Variants in KHDRBS2 observed in about 807,000 individuals in gnomAD.
The protein encoded by KHDRBS2 is KH RNA binding domain containing, signal transduction associated 2.
In KHDRBS2, 26 loss-of-function variants were observed where a neutral mutation model predicts 44.3. The observed-to-expected ratio is 0.59, with a 90% CI of 0.43 to 0.81. KHDRBS2 has a LOEUF of 0.81. Among genes scored for constraint, KHDRBS2 ranks in the 40% least tolerant of loss-of-function variants. The probability of loss-of-function intolerance (pLI) is 0.00; values close to 1 mark genes in which losing one functional copy is unlikely to be tolerated. For synonymous variants in KHDRBS2, 194 were observed against 151.1 expected (o/e 1.28, Z -2.08); for missense variants, 476 against 433.1 (o/e 1.10, Z -0.88).
chr6:62,117,007 A>G (rs960562700), intron 2 of KHDRBS2, among the ~76,000 whole-genome samples: 1 of 152,194 alleles, frequency 6.6e-6, no homozygotes, highest in Non-Finnish European at 1.5e-5. Flanking sequence ...ATGAACAATT[A>G]TGAAGTCAAC....
At chr6:61,762,779 T>C (rs1779465073) in intron 6 of KHDRBS2, among the ~76,000 whole-genome samples, 1 of 152,192 alleles carries the variant, frequency 6.6e-6, no homozygotes, top group Non-Finnish European at 1.5e-5. Flanking sequence ...TCAATGTCAA[T>C]ATCCCAGAAA....
chr6:62,255,254 T>C (rs1466693174), intron 1 of KHDRBS2, among the ~76,000 whole-genome samples: 1 of 152,082 alleles, frequency 6.6e-6, no homozygotes, highest in Non-Finnish European at 1.5e-5. Context: ...TGGAGAATTC[T>C]ATCTGATCTA....
At chr6:62,003,033 C>T (rs765905122) in intron 3 of KHDRBS2, among the ~76,000 whole-genome samples, 15 of 151,970 alleles carry the variant, frequency 9.9e-5, no homozygotes, top group Non-Finnish European at 1.9e-4. Flanking sequence ...AATCTAATCC[C>T]TTTTCTTTTT....
chr6:61,792,226 G>A (rs962268142), intron 6 of KHDRBS2, among the ~76,000 whole-genome samples: 50 of 151,120 alleles, frequency 3.3e-4, no homozygotes, highest in African/African-American at 1.1e-3. Context: ...TCCATCCACC[G>A]CTCCTAACCT....
intron 4 of KHDRBS2, among the ~76,000 whole-genome samples, chr6:61,943,115 G>GAAAAAAGATAGA (rs1554283272): frequency 6.7e-6 from 1 of 149,654 alleles, no homozygotes; most frequent in Non-Finnish European, 1.5e-5. Context: ...AGAAAGAAAA[G>GAAAAAAGATAGA]AAAAAAGAAA....
intron 6 of KHDRBS2, among the ~76,000 whole-genome samples, chr6:61,772,809 G>A (rs1219469720): frequency 6.6e-6 from 1 of 151,870 alleles, no homozygotes; most frequent in African/African-American, 2.4e-5. Flanking sequence ...CTCCACAACA[G>A]TCCCCAGAGT....
chr6:62,038,130 T>C (rs1228084930), intron 3 of KHDRBS2, among the ~76,000 whole-genome samples: 4 of 151,992 alleles, frequency 2.6e-5, no homozygotes, highest in Admixed American at 6.6e-5. Flanking sequence ...CATAAAACAC[T>C]GTCCTGCTGC....
At chr6:61,671,509 G>T in the KHDRBS2 span, among the ~76,000 whole-genome samples, 4 of 151,686 alleles carry the variant, frequency 2.6e-5, no homozygotes, top group Non-Finnish European at 5.9e-5. Flanking sequence ...ATATCAAGTA[G>T]AGTGACTTTC....
the KHDRBS2 span, among the ~76,000 whole-genome samples, chr6:61,588,744 A>G: frequency 2.0e-5 from 3 of 152,110 alleles, no homozygotes; most frequent in Non-Finnish European, 4.4e-5. Flanking sequence ...GTGAGCCATG[A>G]CTGTGCCACT....
the KHDRBS2 span, among the ~76,000 whole-genome samples, chr6:61,545,860 C>G: frequency 6.6e-6 from 1 of 151,940 alleles, no homozygotes; most frequent in Non-Finnish European, 1.5e-5. Context: ...GTGCCTGCAC[C>G]AAGGAAAAGC....
the KHDRBS2 span, among the ~76,000 whole-genome samples, chr6:61,551,934 C>A: frequency 6.6e-6 from 1 of 152,078 alleles, no homozygotes; most frequent in Non-Finnish European, 1.5e-5. Context: ...AATGGGATTG[C>A]ATTTTTGATT....
At chr6:62,016,539 TGTATAA>T (rs972886710) in intron 3 of KHDRBS2, among the ~76,000 whole-genome samples, 49 of 149,374 alleles carry the variant, frequency 3.3e-4, no homozygotes, top group African/African-American at 7.1e-4. Flanking sequence ...TACATTTAGA[TGTATAA>T]GTATATTTAT....
chr6:62,280,414 G>A lies in KHDRBS2; in HGVS notation c.91+5444C>T, dbSNP rs79847668. Among the ~76,000 whole-genome samples, 790 of 152,238 alleles carry A rather than the reference G, an allele frequency of 5.2e-3. 9 individuals are homozygous for A. The highest frequency in any genetic ancestry group is 0.017 in the Middle Eastern group (5 of 294). ...AACCAGTAGAATATAGTGCCCAGAA[G>A]ACAAGGAAGATGGAAAGAAATCAGA... On this transcript the variant is annotated intron_variant, in intron 1 of 8. Coordinates refer to ENST00000281156, the MANE Select transcript of KHDRBS2 (RefSeq NM_152688.4).
chr6:61,787,589 T>C (rs965100735), intron 6 of KHDRBS2, among the ~76,000 whole-genome samples: 4 of 151,824 alleles, frequency 2.6e-5, no homozygotes, highest in East Asian at 1.9e-4. Flanking sequence ...TTAATTTTTT[T>C]GTTGGTTTTG....
chr6:62,081,274 T>C (rs1250726395), intron 2 of KHDRBS2, among the ~76,000 whole-genome samples: 2 of 152,140 alleles, frequency 1.3e-5, no homozygotes, highest in African/African-American at 4.8e-5. Context: ...TAATGAAGTT[T>C]CTTGGGGTTA....
intron 4 of KHDRBS2, among the ~76,000 whole-genome samples, chr6:61,922,917 C>T (rs1034687785): frequency 2.0e-5 from 3 of 151,844 alleles, no homozygotes; most frequent in Non-Finnish European, 2.9e-5. Flanking sequence ...ACCAGGCATG[C>T]GAAGAAGCAG....
At chr6:61,957,737 C>A (rs138159811) in intron 4 of KHDRBS2, among the ~76,000 whole-genome samples, 1 of 152,110 alleles carries the variant, frequency 6.6e-6, no homozygotes, top group Non-Finnish European at 1.5e-5. Flanking sequence ...TGTGATCTCA[C>A]CCTGCCTCCA....
chr6:62,184,175 CTATAT>C (rs1167624372), intron 1 of KHDRBS2, among the ~76,000 whole-genome samples: 2 of 151,564 alleles, frequency 1.3e-5, no homozygotes, highest in African/African-American at 4.8e-5. Flanking sequence ...ATTATGTATA[CTATAT>C]TATAATAAGC....
At chr6:62,213,525 T>C (rs1829445451) in intron 1 of KHDRBS2, among the ~76,000 whole-genome samples, 1 of 151,992 alleles carries the variant, frequency 6.6e-6, no homozygotes. Flanking sequence ...GGGCTAACCT[T>C]GATAGAAAAT....
Sources: gnomAD v4.1 joint callset for allele counts (sites outside exome capture counted in the v4.1 genomes callset) on GRCh38, gnomAD v4.1.1 for gene constraint, MANE v1.5 for transcripts, NCBI Gene and HGNC (gene_info 2026-07-23, HGNC 2026-07-21) for gene names.